Variants in GRK3 observed in about 807,000 individuals in gnomAD.
The protein encoded by GRK3 is adrenergic, beta, receptor kinase 2.
In GRK3, 54 loss-of-function variants were observed where a neutral mutation model predicts 95.7. The observed-to-expected ratio is 0.56, with a 90% CI of 0.45 to 0.71. GRK3 has a LOEUF of 0.71. GRK3 is among the 30% of genes least tolerant of loss of function. GRK3 has a pLI of 0.00. For missense variants in GRK3, 649 were observed against 851.2 expected, an observed-to-expected ratio of 0.76 and a Z score of 2.96; for synonymous variants, 281 against 290.8, an observed-to-expected ratio of 0.97 and a Z score of 0.34.
At chr22:25,676,676 G>A (rs938704879) in intron 8 of GRK3, among the ~76,000 whole-genome samples, 1 of 147,796 alleles carries the variant, frequency 6.8e-6, no homozygotes, top group African/African-American at 2.6e-5. Flanking sequence ...GAGTGACAGA[G>A]CGAGACTCAG....
At chr22:25,600,981 A>G (rs906537230) in intron 1 of GRK3, among the ~76,000 whole-genome samples, 4 of 152,244 alleles carry the variant, frequency 2.6e-5, no homozygotes, top group Admixed American at 2.6e-4. Context: ...ATTGTTCTTA[A>G]ATATTCATGT....
At chr22:25,635,412 C>T (rs2084692959) in intron 2 of GRK3, among the ~76,000 whole-genome samples, 2 of 145,484 alleles carry the variant, frequency 1.4e-5, no homozygotes, top group South Asian at 4.7e-4. Flanking sequence ...AGATATAATA[C>T]TATAATACTA....
chr22:25,646,569 C>T (rs2084783830), intron 3 of GRK3, among the ~76,000 whole-genome samples: 1 of 152,138 alleles, frequency 6.6e-6, no homozygotes. Context: ...ACATATGAAA[C>T]ACACCTTTGG....
At chr22:25,627,038 A>C (rs1399239261) in intron 2 of GRK3, among the ~76,000 whole-genome samples, 2 of 152,156 alleles carry the variant, frequency 1.3e-5, no homozygotes, top group African/African-American at 4.8e-5. Context: ...CCATCTGGGG[A>C]CAGGTGTCAT....
At chr22:25,637,819 C>A (rs926122045) in intron 2 of GRK3, among the ~76,000 whole-genome samples, 1 of 152,202 alleles carries the variant, frequency 6.6e-6, no homozygotes, top group East Asian at 1.9e-4. Context: ...TCCAAATCTG[C>A]AGTGTGAGCT....
chr22:25,579,014 T>C lies in GRK3; in HGVS notation c.113+13861T>C, dbSNP rs565767442. Among the ~76,000 whole-genome samples the C allele has an allele frequency of 5.9e-5, 9 of 152,134 alleles. No individual in the cohort carries two copies. The South Asian group carries it at 1.7e-3, about 28-fold the overall frequency. The stretch of plus-strand genomic sequence containing the variant: ...ACACCTCATTGATCACCACCAGCAG[T>C]AGAACCAAGGCACCTACTCTGTCTC... On this transcript the variant is annotated intron_variant, in intron 1 of 20. Transcript: ENST00000324198.
intron 1 of GRK3, among the ~76,000 whole-genome samples, chr22:25,570,041 C>T (rs1016521895): frequency 5.9e-5 from 9 of 152,146 alleles, no homozygotes; most frequent in Admixed American, 2.6e-4. Flanking sequence ...CAAACTCCCT[C>T]GCGTCTTATT....
intron 13 of GRK3, chr22:25,702,833 G>A (rs1223831656): frequency 2.0e-5 from 9 of 455,818 alleles, no homozygotes; most frequent in Non-Finnish European, 4.0e-5. Flanking sequence ...CTTGATCCCC[G>A]CTTTACAGAT....
At chr22:25,662,386 C>T (rs1303213355) in intron 4 of GRK3, among the ~76,000 whole-genome samples, 1 of 152,194 alleles carries the variant, frequency 6.6e-6, no homozygotes, top group African/African-American at 2.4e-5. Flanking sequence ...TTTAATACCT[C>T]AGTTCCTCAT....
At chr22:25,646,645 G>A (rs1374007590) in intron 3 of GRK3, among the ~76,000 whole-genome samples, 3 of 152,150 alleles carry the variant, frequency 2.0e-5, no homozygotes, top group Non-Finnish European at 2.9e-5. Context: ...ATTTAAAATA[G>A]CCATGGTGAG....
intron 1 of GRK3, among the ~76,000 whole-genome samples, chr22:25,596,134 A>C (rs2146332756): frequency 6.6e-6 from 1 of 152,336 alleles, no homozygotes; most frequent in East Asian, 1.9e-4. Context: ...GTCAGAATGG[A>C]ATAGGTAGTA....
intron 6 of GRK3, among the ~76,000 whole-genome samples, chr22:25,671,309 C>A (rs570634475): frequency 3.9e-5 from 6 of 152,354 alleles, no homozygotes; most frequent in South Asian, 4.1e-4. Context: ...CACTGCACTT[C>A]AGCCTGGGCG....
At chr22:25,608,971 T>C (rs1203930957) in intron 2 of GRK3, among the ~76,000 whole-genome samples, 7 of 152,240 alleles carry the variant, frequency 4.6e-5, no homozygotes, top group East Asian at 3.8e-4. Flanking sequence ...AAAGGGGTTA[T>C]GTGCCAGTTA....
intron 2 of GRK3, among the ~76,000 whole-genome samples, chr22:25,633,373 G>A (rs575217159): frequency 2.2e-4 from 34 of 152,232 alleles, no homozygotes; most frequent in African/African-American, 7.7e-4. Context: ...CATGTTAAGT[G>A]TATAGATTGA....
chr22:25,676,326 T>C (rs920589311), intron 8 of GRK3, among the ~76,000 whole-genome samples: 8 of 152,228 alleles, frequency 5.3e-5, no homozygotes, highest in Non-Finnish European at 1.0e-4. Context: ...CTTGGCACCG[T>C]TCATTAATTT....
chr22:25,654,246 G>T (rs893210263), intron 3 of GRK3, among the ~76,000 whole-genome samples: 1 of 152,062 alleles, frequency 6.6e-6, no homozygotes, highest in African/African-American at 2.4e-5. Context: ...TTTAAGAAAT[G>T]ATATATACCA....
chr22:25,687,729 T>C lies in GRK3; in HGVS notation c.957+62T>C, dbSNP rs951342720. On this transcript the variant is annotated intron_variant, in intron 11 of 20. Transcript: ENST00000324198. ...TATTGTGTGAATGGTCCTCTAGAAG[T>C]CCCCTTCTATTTCATAGAGTCCTGT... The C allele has an allele frequency of 2.3e-5, 36 of 1,564,516 alleles. No homozygotes were observed. In the African/African-American group the frequency reaches 4.9e-4, roughly 21 times the overall value.
intron 1 of GRK3, among the ~76,000 whole-genome samples, chr22:25,583,478 C>G (rs1932180113): frequency 6.6e-6 from 1 of 151,878 alleles, no homozygotes; most frequent in Admixed American, 6.6e-5. Context: ...GCCCACGGTC[C>G]CTTAGATTCT....
intron 2 of GRK3, among the ~76,000 whole-genome samples, chr22:25,644,309 A>C (rs2084764978): frequency 6.6e-6 from 1 of 151,974 alleles, no homozygotes; most frequent in East Asian, 1.9e-4. Context: ...GTGGTGGTGA[A>C]TGCCAGCCCT....
Sources: allele counts gnomAD v4.1 joint callset (sites outside exome capture counted in the v4.1 genomes callset), GRCh38; gene constraint gnomAD v4.1.1; transcripts MANE v1.5; gene names NCBI Gene and HGNC (gene_info 2026-07-23, HGNC 2026-07-21).